Variants in NAPEPLD observed in about 807,000 individuals in gnomAD.
The protein encoded by NAPEPLD is N-acyl phosphatidylethanolamine phospholipase D.
Under a neutral mutation model 38.1 loss-of-function variants are expected in NAPEPLD, and 23 were observed. That is an observed-to-expected ratio of 0.60 (90% CI 0.43 to 0.86). The LOEUF (loss-of-function observed/expected upper bound fraction) is 0.86, where lower values mean the gene tolerates loss of function less well. NAPEPLD is among the 40% of genes least tolerant of loss of function. NAPEPLD has a pLI of 0.00. For synonymous variants in NAPEPLD, 147 were observed against 162.0 expected (o/e 0.91, Z 0.71); for missense variants, 411 against 476.8 (o/e 0.86, Z 1.28).
chr7:103,107,727 G>T lies in NAPEPLD; in HGVS notation c.1057-4173C>A, dbSNP rs567347965. On this transcript the variant is annotated intron_variant, in intron 4 of 4. Coordinates refer to ENST00000465647, the MANE Select transcript of NAPEPLD (RefSeq NM_001122838.3). ...AAAAGAGTGACAAGAAATGAACAAAGACTCCAAGAAATATGTGACTATGTG... is the reference window on the plus strand; with the variant it reads ...AAAAGAGTGACAAGAAATGAACAAATACTCCAAGAAATATGTGACTATGTG... 2.8e-4 allele frequency among the ~76,000 whole-genome samples: 41 copies of T among 145,888 alleles called. 3 individuals carry two copies. The South Asian group carries it at 9.3e-3, about 33-fold the overall frequency.
intron 1 of NAPEPLD, among the ~76,000 whole-genome samples, chr7:103,135,269 G>T (rs142904273): frequency 1.3e-5 from 2 of 152,212 alleles, no homozygotes; most frequent in African/African-American, 4.8e-5. Flanking sequence ...GAAGAGAAAG[G>T]GCCCTTTTGA....
At chr7:103,115,580 C>G (rs1805402533) in intron 3 of NAPEPLD, among the ~76,000 whole-genome samples, 1 of 152,080 alleles carries the variant, frequency 6.6e-6, no homozygotes, top group African/African-American at 2.4e-5. Context: ...TCTGAAGATA[C>G]AACTTACTGA....
intron 1 of NAPEPLD, among the ~76,000 whole-genome samples, chr7:103,142,352 T>C (rs888795698): frequency 2.6e-5 from 4 of 152,154 alleles, no homozygotes; most frequent in African/African-American, 9.7e-5. Flanking sequence ...ATGCCTGTAA[T>C]CCCAGCATTT....
At chr7:103,124,838 G>A (rs1250833915) in intron 2 of NAPEPLD, among the ~76,000 whole-genome samples, 2 of 152,112 alleles carry the variant, frequency 1.3e-5, no homozygotes, top group African/African-American at 4.8e-5. Context: ...TCATGCAAGA[G>A]GTAAGTACCC....
intron 1 of NAPEPLD, among the ~76,000 whole-genome samples, chr7:103,136,065 C>T (rs989629861): frequency 9.9e-5 from 15 of 151,750 alleles, no homozygotes; most frequent in African/African-American, 3.1e-4. Context: ...GACAGGAATT[C>T]GAGACCAGCC....
intron 1 of NAPEPLD, chr7:103,142,028 G>A: frequency 3.3e-6 from 2 of 610,976 alleles, no homozygotes; most frequent in South Asian, 3.9e-5. Context: ...TGTCAGGTGG[G>A]GCAGTTTCTC....
At chr7:103,110,573 A>G (rs1250358793) in intron 4 of NAPEPLD, among the ~76,000 whole-genome samples, 1 of 152,220 alleles carries the variant, frequency 6.6e-6, no homozygotes, top group African/African-American at 2.4e-5. Flanking sequence ...TTAATGGAAC[A>G]TATCTCAAAA....
At position 103,148,858 on chromosome 7, in the gene NAPEPLD, T is replaced by C. The variant is rs535217636; in HGVS notation, c.-64A>G. 7.1e-6 allele frequency: 7 copies of C among 985,270 alleles called. No homozygotes were observed. In the South Asian group the frequency reaches 2.3e-4, roughly 33 times the overall value. The allele number at this position is 985,270 out of a possible 1,614,324, so 61.0% of individuals were successfully genotyped here. On this transcript the variant is annotated 5_prime_UTR_variant, in exon 1 of 5. Transcript: ENST00000465647. ...GCAACCTGGTAATTTGCAGGGAAGA[T>C]AGGATCTCAAATCCCAGACAGCTAC...
intron 4 of NAPEPLD, among the ~76,000 whole-genome samples, chr7:103,112,519 C>A (rs1409215381): frequency 6.6e-6 from 1 of 151,886 alleles, no homozygotes; most frequent in Admixed American, 6.6e-5. Context: ...AACCAAACAC[C>A]GCATGTTCTC....
chr7:103,114,785 A>G (rs892776988), intron 4 of NAPEPLD, among the ~76,000 whole-genome samples: 1 of 152,232 alleles, frequency 6.6e-6, no homozygotes, highest in Non-Finnish European at 1.5e-5. Flanking sequence ...TCCAGACCAC[A>G]TACAGATTTT....
chr7:103,104,862 A>AT (rs1260378154), intron 4 of NAPEPLD, among the ~76,000 whole-genome samples: 1 of 152,200 alleles, frequency 6.6e-6, no homozygotes, highest in African/African-American at 2.4e-5. Context: ...CCATTGAAAA[A>AT]TAACTTCTTT....
At chr7:103,143,610 C>T (rs187846799) in intron 1 of NAPEPLD, among the ~76,000 whole-genome samples, 1 of 152,224 alleles carries the variant, frequency 6.6e-6, no homozygotes, top group East Asian at 1.9e-4. Flanking sequence ...TACCTGGAGC[C>T]ATCTTGAGCC....
At position 103,120,701 on chromosome 7, in the gene NAPEPLD, C is replaced by CTTTTTTTTTTTTTTTT. The variant is rs869141133; in HGVS notation, c.295-494_295-479dup. Among the ~76,000 whole-genome samples, 12 of 82,528 alleles carry CTTTTTTTTTTTTTTTT rather than the reference C, an allele frequency of 1.5e-4. 1 individual carries two copies. The highest frequency in any genetic ancestry group is 4.3e-4 in the Admixed American group (2 of 4,684). 54.1% of individuals were successfully genotyped at this position (82,528 alleles called of 152,430 possible). A position where few individuals can be genotyped will look rare whatever the true frequency, so the allele number is the denominator to read the frequency against. On this transcript the variant is annotated intron_variant, in intron 2 of 4. Transcript: ENST00000465647. ...CATGAATCATGAATCTGATATTTTT[C>CTTTTTTTTTTTTTTTT]TTTTTTTTTTTTTTTTTTTTTTTTT...
intron 1 of NAPEPLD, among the ~76,000 whole-genome samples, chr7:103,136,502 A>G (rs909961393): frequency 6.7e-6 from 1 of 150,236 alleles, no homozygotes; most frequent in African/African-American, 2.5e-5. Flanking sequence ...CAGGAGAATC[A>G]CTTGAACCTG....
At chr7:103,126,407 T>C (rs1807803260) in intron 2 of NAPEPLD, among the ~76,000 whole-genome samples, 1 of 152,118 alleles carries the variant, frequency 6.6e-6, no homozygotes, top group African/African-American at 2.4e-5. Context: ...CAAGTAAGAT[T>C]CTATCATTTC....
chr7:103,129,693 A>G (rs149386609), intron 1 of NAPEPLD, among the ~76,000 whole-genome samples: 1 of 152,348 alleles, frequency 6.6e-6, no homozygotes, highest in Non-Finnish European at 1.5e-5. Context: ...ATTTAAATAT[A>G]TGAGAACTGC....
In NAPEPLD at chr7:103,121,966, G is replaced by A. The variant is rs887943212; in HGVS notation, c.295-1743C>T. Among the ~76,000 whole-genome samples the A allele has an allele frequency of 2.9e-4, 44 of 152,172 alleles. 1 individual carries two copies. The highest frequency in any genetic ancestry group is 6.5e-5 in the Admixed American group (1 of 15,272). On this transcript the variant is annotated intron_variant, in intron 2 of 4. Coordinates refer to ENST00000465647, the MANE Select transcript of NAPEPLD (RefSeq NM_001122838.3). The stretch of plus-strand genomic sequence containing the variant: ...AAGGAAGAAGGGCATTTCAAGTAGA[G>A]AAACCACCCAAGCAAAGGTACAGAG...
chr7:103,149,957 C>G (rs1158095042), upstream of NAPEPLD, among the ~76,000 whole-genome samples: 1 of 152,130 alleles, frequency 6.6e-6, no homozygotes, highest in East Asian at 1.9e-4. Flanking sequence ...TTAATGGGAG[C>G]ACGGCATTGT....
At chr7:103,107,530 G>GA (rs1404930799) in intron 4 of NAPEPLD, among the ~76,000 whole-genome samples, 3 of 151,884 alleles carry the variant, frequency 2.0e-5, no homozygotes, top group Non-Finnish European at 2.9e-5. Flanking sequence ...TTGCTAACTA[G>GA]AAAAAACAGT....
Sources: allele counts gnomAD v4.1 joint callset (sites outside exome capture counted in the v4.1 genomes callset), GRCh38; gene constraint gnomAD v4.1.1; transcripts MANE v1.5; gene names NCBI Gene and HGNC (gene_info 2026-07-23, HGNC 2026-07-21).